Variants in NPAS3 observed in about 807,000 individuals in gnomAD.
NPAS3 encodes the protein neuronal PAS domain-containing protein 3.
A neutral mutation model predicts 73.1 loss-of-function variants in NPAS3; 14 were observed. That is an observed-to-expected ratio of 0.19 (90% CI 0.13 to 0.30). The LOEUF is 0.30. Among genes scored for constraint, NPAS3 ranks in the 10% least tolerant of loss-of-function variants. The pLI is 1.00. For synonymous variants in NPAS3, 620 were observed against 541.5 expected, an observed-to-expected ratio of 1.14 and a Z score of -2.01; for missense variants, 1,096 against 1,250.0, an observed-to-expected ratio of 0.88 and a Z score of 1.86.
chr14:33,543,512 G>C (rs531231440), intron 4 of NPAS3, among the ~76,000 whole-genome samples: 20 of 152,142 alleles, frequency 1.3e-4, no homozygotes, highest in African/African-American at 4.8e-4. Flanking sequence ...CCAGTATTTG[G>C]GGGGCATAGA....
At chr14:33,613,687 C>T (rs566823859) in intron 5 of NPAS3, among the ~76,000 whole-genome samples, 1 of 152,286 alleles carries the variant, frequency 6.6e-6, no homozygotes, top group South Asian at 2.1e-4. Flanking sequence ...GCTCATCCTT[C>T]GCACCCTCCT....
chr14:32,964,277 TG>T (rs1196900196), intron 1 of NPAS3, among the ~76,000 whole-genome samples: 1 of 151,848 alleles, frequency 6.6e-6, no homozygotes, highest in Non-Finnish European at 1.5e-5. Context: ...TTCAACTCTA[TG>T]GGGTAGGTGT....
intron 3 of NPAS3, among the ~76,000 whole-genome samples, chr14:33,237,175 AG>A: frequency 6.6e-6 from 1 of 152,098 alleles, no homozygotes; most frequent in Non-Finnish European, 1.5e-5. Flanking sequence ...ATAGAAATGG[AG>A]TGTGGTTACT....
chr14:33,278,303 G>A (rs945748799), intron 3 of NPAS3, among the ~76,000 whole-genome samples: 1 of 152,116 alleles, frequency 6.6e-6, no homozygotes, highest in African/African-American at 2.4e-5. Flanking sequence ...ACATTTCAGA[G>A]TTATCAGTAT....
chr14:33,786,565 A>C (rs2063180892), intron 9 of NPAS3, among the ~76,000 whole-genome samples: 1 of 152,216 alleles, frequency 6.6e-6, no homozygotes, highest in African/African-American at 2.4e-5. Context: ...TAATTGTTAA[A>C]GGGAGGTGAA....
At chr14:33,161,158 A>G (rs765006878) in intron 2 of NPAS3, among the ~76,000 whole-genome samples, 10 of 152,218 alleles carry the variant, frequency 6.6e-5, no homozygotes, top group Non-Finnish European at 1.0e-4. Context: ...CTTTAGATCT[A>G]AAGTCTAAAG....
intron 4 of NPAS3, among the ~76,000 whole-genome samples, chr14:33,426,350 G>A (rs566008864): frequency 1.8e-4 from 28 of 152,132 alleles, no homozygotes; most frequent in Admixed American, 3.3e-4. Flanking sequence ...GGAGGTAAGA[G>A]CTAAGATTGT....
chr14:33,112,232 C>G (rs1209248175), intron 2 of NPAS3, among the ~76,000 whole-genome samples: 5 of 152,040 alleles, frequency 3.3e-5, no homozygotes, highest in Non-Finnish European at 5.9e-5. Flanking sequence ...CTAGATCCTT[C>G]AGGAATTGCC....
intron 5 of NPAS3, among the ~76,000 whole-genome samples, chr14:33,659,185 C>T (rs533603889): frequency 2.2e-4 from 33 of 152,284 alleles, no homozygotes; most frequent in Admixed American, 8.5e-4. Context: ...ACTTAATATA[C>T]GCCAGGTTTC....
intron 4 of NPAS3, among the ~76,000 whole-genome samples, chr14:33,541,878 C>T (rs2054535893): frequency 6.6e-6 from 1 of 152,112 alleles, no homozygotes; most frequent in South Asian, 2.1e-4. Flanking sequence ...CATACCTGCC[C>T]ACTCACTGTA....
chr14:33,116,292 T>C (rs558052560), intron 2 of NPAS3, among the ~76,000 whole-genome samples: 1 of 152,276 alleles, frequency 6.6e-6, no homozygotes, highest in East Asian at 1.9e-4. Context: ...AAGCTACCCT[T>C]GATTCATTTT....
At chr14:33,021,727 T>C (rs2039603838) in intron 1 of NPAS3, among the ~76,000 whole-genome samples, 1 of 152,228 alleles carries the variant, frequency 6.6e-6, no homozygotes, top group Non-Finnish European at 1.5e-5. Context: ...TTGGTCTTTT[T>C]ATATATTTAA....
chr14:33,746,259 G>C (rs2061792819), intron 7 of NPAS3, among the ~76,000 whole-genome samples: 1 of 151,556 alleles, frequency 6.6e-6, no homozygotes, highest in African/African-American at 2.4e-5. Flanking sequence ...CACGATCTCA[G>C]CTCACTGCAA....
At chr14:33,444,770 C>T (rs2049410259) in intron 4 of NPAS3, among the ~76,000 whole-genome samples, 1 of 152,222 alleles carries the variant, frequency 6.6e-6, no homozygotes, top group Non-Finnish European at 1.5e-5. Flanking sequence ...AAAATCAGTG[C>T]ACATCTATTC....
chr14:33,425,183 C>T (rs1248201196), intron 4 of NPAS3, among the ~76,000 whole-genome samples: 5 of 151,908 alleles, frequency 3.3e-5, no homozygotes. Flanking sequence ...ATGGTGAAAA[C>T]ATTTTTGGTG....
chr14:33,011,429 A>T (rs573059891), intron 1 of NPAS3, among the ~76,000 whole-genome samples: 1 of 152,192 alleles, frequency 6.6e-6, no homozygotes, highest in African/African-American at 2.4e-5. Context: ...ACATGCCAGC[A>T]GGTCACTTAA....
At position 33,137,416 on chromosome 14, in the gene NPAS3, A is replaced by G. The variant is rs183419716; in HGVS notation, c.141-77766A>G. Among the ~76,000 whole-genome samples the G allele has an allele frequency of 1.2e-3, 177 of 152,310 alleles. 1 individual carries two copies. Among genetic ancestry groups the G allele is most frequent in the African/African-American group, 4.0e-3 (167 of 41,574 alleles). ...AATAAGATTGTTTGATTCACCATCA[A>G]CTAAGATTATTATTATTTTCTTGAA... On this transcript the variant is annotated intron_variant, in intron 2 of 11. Transcript: ENST00000356141.
intron 4 of NPAS3, among the ~76,000 whole-genome samples, chr14:33,424,613 G>A (rs183560720): frequency 2.0e-5 from 3 of 151,928 alleles, no homozygotes; most frequent in African/African-American, 7.2e-5. Flanking sequence ...ATGACTGATT[G>A]GAAACAAGGT....
intron 4 of NPAS3, among the ~76,000 whole-genome samples, chr14:33,396,033 G>T (rs1363951324): frequency 3.9e-5 from 6 of 152,128 alleles, no homozygotes; most frequent in African/African-American, 1.4e-4. Flanking sequence ...ACCCAAAGTA[G>T]TCAGGACATC....
Sources: allele counts gnomAD v4.1 joint callset (sites outside exome capture counted in the v4.1 genomes callset), GRCh38; gene constraint gnomAD v4.1.1; transcripts MANE v1.5; gene names NCBI Gene and HGNC (gene_info 2026-07-23, HGNC 2026-07-21).